The following DPP6 variants were observed in gnomAD, a reference collection of about 807,000 sequenced individuals.
DPP6 encodes the protein A-type potassium channel modulatory protein DPP6.
A neutral mutation model predicts 122.6 loss-of-function variants in DPP6; 69 were observed. That is an observed-to-expected ratio of 0.56 (90% CI 0.46 to 0.69). The LOEUF is 0.69. Among genes scored for constraint, DPP6 ranks in the 30% least tolerant of loss-of-function variants. The pLI is 0.00. For missense variants in DPP6, 928 were observed against 1,116.9 expected (o/e 0.83, Z 2.41); for synonymous variants, 418 against 433.1 (o/e 0.97, Z 0.43).
chr7:154,033,764 A>C (rs575976586), intron 1 of DPP6, among the ~76,000 whole-genome samples: 2 of 152,284 alleles, frequency 1.3e-5, no homozygotes, highest in South Asian at 4.1e-4. Context: ...TGGAAACCCA[A>C]CAGGACCTTA....
At chr7:153,948,513 AAC>A (rs1413625091) in intron 1 of DPP6, among the ~76,000 whole-genome samples, 1 of 152,180 alleles carries the variant, frequency 6.6e-6, no homozygotes, top group Admixed American at 6.5e-5. Flanking sequence ...CCCTGTCAAT[AAC>A]CAGCTTCCAG....
intron 6 of DPP6, among the ~76,000 whole-genome samples, chr7:154,660,276 G>A (rs1308152040): frequency 0.016 from 666 of 41,694 alleles, 12 homozygotes; most frequent in African/African-American, 0.029. Context: ...TGGCCGTAGT[G>A]TTCACGCAGT....
intron 3 of DPP6, among the ~76,000 whole-genome samples, chr7:154,479,363 G>C (rs565473508): frequency 5.3e-5 from 8 of 152,106 alleles, no homozygotes; most frequent in African/African-American, 1.9e-4. Context: ...TTCGAGACCA[G>C]CCTGGCCAAC....
At position 154,604,917 on chromosome 7, in the gene DPP6, T is replaced by C. The variant is rs1310791939; in HGVS notation, c.628-32904T>C. On this transcript the variant is annotated intron_variant, in intron 5 of 25. Transcript: ENST00000377770. ...CTGGCTACTCTTTTCCATCCAATGT[T>C]AGCCCAGAAACCATGACAGCATGCA... is the stretch of plus-strand genomic sequence containing the variant. Among the ~76,000 whole-genome samples, 3 of 120,342 alleles carry C rather than the reference T, an allele frequency of 2.5e-5. 1 individual carries two copies. Among genetic ancestry groups the C allele is most frequent in the Non-Finnish European group, 5.6e-5 (3 of 53,434 alleles). The allele number at this position is 120,342 out of a possible 152,430, so 78.9% of individuals were successfully genotyped here.
chr7:154,630,599 G>C (rs1483644973), intron 5 of DPP6, among the ~76,000 whole-genome samples: 1 of 152,182 alleles, frequency 6.6e-6, no homozygotes, highest in Admixed American at 6.5e-5. Flanking sequence ...AAATGTCTAT[G>C]CAGCCATAAA....
intron 3 of DPP6, among the ~76,000 whole-genome samples, chr7:154,512,184 C>T (rs923218562): frequency 6.6e-6 from 1 of 152,032 alleles, no homozygotes; most frequent in Non-Finnish European, 1.5e-5. Context: ...TTTTGATTGC[C>T]CAGCTAATCG....
intron 17 of DPP6, among the ~76,000 whole-genome samples, chr7:154,862,399 C>T (rs1310738184): frequency 1.3e-5 from 2 of 152,244 alleles, no homozygotes; most frequent in East Asian, 1.9e-4. Context: ...GGGTTGCACG[C>T]GTGAGCAGCT....
the DPP6 span, among the ~76,000 whole-genome samples, chr7:153,860,579 A>G: frequency 2.6e-5 from 4 of 151,690 alleles, no homozygotes. Context: ...AGAAGGGGGA[A>G]TGCCTTCCCA....
At chr7:153,857,830 C>T in the DPP6 span, among the ~76,000 whole-genome samples, 1 of 152,170 alleles carries the variant, frequency 6.6e-6, no homozygotes, top group Non-Finnish European at 1.5e-5. Flanking sequence ...TTTAAGAACA[C>T]CACCACATAC....
chr7:154,386,320 TTC>T (rs1438250024), intron 1 of DPP6, among the ~76,000 whole-genome samples: 2 of 151,962 alleles, frequency 1.3e-5, no homozygotes, highest in African/African-American at 4.8e-5. Flanking sequence ...CCCACCATGC[TTC>T]TGTCTGTCTT....
intron 1 of DPP6, among the ~76,000 whole-genome samples, chr7:154,377,254 G>C (rs765227985): frequency 6.6e-6 from 1 of 152,182 alleles, no homozygotes; most frequent in Admixed American, 6.5e-5. Context: ...GTTCCAAGAA[G>C]AGGGAAGAGC....
At chr7:154,266,218 G>A (rs1803409415) in intron 1 of DPP6, among the ~76,000 whole-genome samples, 1 of 152,154 alleles carries the variant, frequency 6.6e-6, no homozygotes, top group Non-Finnish European at 1.5e-5. Context: ...ATAAATGAAT[G>A]AACATATAAA....
At chr7:154,705,941 G>A (rs1467493326) in intron 7 of DPP6, among the ~76,000 whole-genome samples, 3 of 152,206 alleles carry the variant, frequency 2.0e-5, no homozygotes, top group Non-Finnish European at 4.4e-5. Flanking sequence ...AGAAGGGTTG[G>A]AAGGCCTGTG....
intron 1 of DPP6, among the ~76,000 whole-genome samples, chr7:154,060,356 GAC>G (rs1801584879): frequency 8.0e-6 from 1 of 125,544 alleles, no homozygotes; most frequent in African/African-American, 3.2e-5. Flanking sequence ...GCGAGGCAGG[GAC>G]TGAGAGCCAG....
At position 154,804,913 on chromosome 7, in the gene DPP6, G is replaced by T; in HGVS notation, c.1500-4G>T. Reference sequence around the variant, plus strand: ...AACCCTGTGCACCTTGGTGATCTTTGCAGCTACTTCCTGAGCACGGAGGAC... The same window carrying T: ...AACCCTGTGCACCTTGGTGATCTTTTCAGCTACTTCCTGAGCACGGAGGAC... On this transcript the variant is annotated splice_polypyrimidine_tract_variant and splice_region_variant and intron_variant, in intron 14 of 25. Transcript: ENST00000377770. The T allele has an allele frequency of 6.2e-7, 1 of 1,601,332 alleles. No individual in the cohort carries two copies. The highest frequency in any genetic ancestry group is 8.5e-7 in the Non-Finnish European group (1 of 1,173,632).
chr7:154,581,317 A>G (rs1832051371), intron 5 of DPP6, among the ~76,000 whole-genome samples: 1 of 152,274 alleles, frequency 6.6e-6, no homozygotes, highest in East Asian at 1.9e-4. Flanking sequence ...GGACTGGCAG[A>G]GGAGATTTGT....
intron 3 of DPP6, among the ~76,000 whole-genome samples, chr7:154,537,181 CA>C (rs1489536311): frequency 2.0e-5 from 3 of 151,764 alleles, no homozygotes; most frequent in Admixed American, 2.0e-4. Context: ...ATGGGATGTA[CA>C]AAAAATCTCT....
At chr7:154,375,720 T>C (rs1406226813) in intron 1 of DPP6, among the ~76,000 whole-genome samples, 1 of 152,178 alleles carries the variant, frequency 6.6e-6, no homozygotes, top group Non-Finnish European at 1.5e-5. Flanking sequence ...GCCTCAGAAC[T>C]GTGAAATGTC....
At chr7:153,818,756 T>G in the DPP6 span, among the ~76,000 whole-genome samples, 3 of 151,858 alleles carry the variant, frequency 2.0e-5, no homozygotes, top group African/African-American at 4.9e-5. Flanking sequence ...GATTTGTGAC[T>G]TTTTCTTTTT....
Sources: gnomAD v4.1 joint callset for allele counts (sites outside exome capture counted in the v4.1 genomes callset) on GRCh38, gnomAD v4.1.1 for gene constraint, MANE v1.5 for transcripts, NCBI Gene and HGNC (gene_info 2026-07-23, HGNC 2026-07-21) for gene names.